The following DTX3L variants were observed in gnomAD, a reference collection of about 807,000 sequenced individuals.
DTX3L encodes the protein E3 ubiquitin-protein ligase DTX3L.
In DTX3L, 34 loss-of-function variants were observed where a neutral mutation model predicts 60.9. The ratio of observed to expected loss-of-function variants is 0.56; its 90% CI spans 0.42 to 0.74. DTX3L has a LOEUF of 0.74. DTX3L is among the 30% of genes least tolerant of loss of function. The pLI is 0.00. For synonymous variants in DTX3L, 290 were observed against 316.6 expected (o/e 0.92, Z 0.89); for missense variants, 810 against 874.0 (o/e 0.93, Z 0.92).
chr3:122,569,706 T>C lies in DTX3L; in HGVS notation c.1617T>C (p.Ser539=), dbSNP rs769675011. Residue 539 remains serine (S), a synonymous_variant, in exon 3 of 5, where the codon TCT becomes TCC. Coordinates refer to ENST00000296161, the MANE Select transcript of DTX3L (RefSeq NM_138287.3). The stretch of plus-strand genomic sequence containing the variant: ...ATAGCGATGATTCCAAAGCAGCTTC[T>C]CCGCCACTCAAGGGCTCTGTGAGTT... ...DIDSDDSKAA[S]PPLKGSVSSE... 12 of 1,614,050 alleles carry C rather than the reference T, an allele frequency of 7.4e-6. No individual in the cohort carries two copies. The African/African-American group carries it at 1.6e-4, about 22-fold the overall frequency.
intron 1 of DTX3L, among the ~76,000 whole-genome samples, chr3:122,564,950 T>C (rs1483986235): frequency 6.6e-6 from 1 of 152,204 alleles, no homozygotes; most frequent in Non-Finnish European, 1.5e-5. Flanking sequence ...GATTCCACTT[T>C]TATGTTTTAA....
chr3:122,568,961 G>A lies in DTX3L; in HGVS notation c.872G>A (p.Arg291His), dbSNP rs199603391. Residue 291 changes from arginine to histidine, a missense_variant, in exon 3 of 5, where the codon CGT becomes CAT. Coordinates refer to ENST00000296161, the MANE Select transcript of DTX3L (RefSeq NM_138287.3). ...SSRSGDLEAA[R>H]ESFASEFQKN... ...CGATCAGGTGACCTGGAAGCAGCTCGTGAGTCTTTTGCTAGTGAATTTCAG... is the reference window on the plus strand; with the variant it reads ...CGATCAGGTGACCTGGAAGCAGCTCATGAGTCTTTTGCTAGTGAATTTCAG... 4.2e-5 allele frequency: 68 copies of A among 1,613,968 alleles called. 1 individual carries two copies. Among genetic ancestry groups the A allele is most frequent in the South Asian group, 1.3e-4 (12 of 91,088 alleles).
intron 3 of DTX3L, 125 bp downstream of exon 3, chr3:122,570,149 G>A (rs1376137041): frequency 9.5e-7 from 1 of 1,050,704 alleles, no homozygotes; most frequent in Admixed American, 2.1e-5. Context: ...TCATGTGCAA[G>A]GGACTGAAAT....
chr3:122,571,660 G>T lies in DTX3L; in HGVS notation c.2154-18G>T, dbSNP rs774397187. 2.5e-6 allele frequency: 4 copies of T among 1,601,728 alleles called. No homozygotes were observed. Among genetic ancestry groups the T allele is most frequent in the Non-Finnish European group, 3.4e-6 (4 of 1,173,172 alleles). On this transcript the variant is annotated intron_variant, in intron 4 of 4. Transcript: ENST00000296161. ...CGAACAATTTGTGGTGACACTAAAG[G>T]AATTTTTGTTTCTTCAGGTATGGCT... is the stretch of plus-strand genomic sequence containing the variant.
chr3:122,569,527 A>G lies in DTX3L; in HGVS notation c.1438A>G (p.Asn480Asp). Residue 480 changes from asparagine to aspartate, a missense_variant, in exon 3 of 5, where the codon AAT becomes GAT. Transcript: ENST00000296161. Reference protein sequence around the residue: ...FADDFRKRHPNVHFVLNQESM... With the variant: ...FADDFRKRHPDVHFVLNQESM... The stretch of plus-strand genomic sequence containing the variant: ...TGATGACTTTAGAAAAAGACATCCA[A>G]ATGTACACTTTGTGCTAAATCAAGA... 2 of 1,614,236 alleles carry G rather than the reference A, an allele frequency of 1.2e-6. No homozygotes were observed. The highest frequency in any genetic ancestry group is 1.7e-6 in the Non-Finnish European group (2 of 1,180,040).
chr3:122,569,721 C>G lies in DTX3L; in HGVS notation c.1632C>G (p.Gly544=). The part of the protein sequence containing the change: ...DSKAASPPLK[G]SVSSEASELD... Reference sequence around the variant, plus strand: ...AAGCAGCTTCTCCGCCACTCAAGGGCTCTGTGAGTTCTGAGGCCTCAGAAC... The same window carrying G: ...AAGCAGCTTCTCCGCCACTCAAGGGGTCTGTGAGTTCTGAGGCCTCAGAAC... The change falls in exon 3 of 5, where the codon GGC becomes GGG. Residue 544 remains glycine, a synonymous_variant. Coordinates refer to ENST00000296161, the MANE Select transcript of DTX3L (RefSeq NM_138287.3). 1 of 1,614,150 alleles carries G rather than the reference C, an allele frequency of 6.2e-7. No individual in the cohort carries two copies.
Position 122,568,854 on chromosome 3 carries a change from C to G in DTX3L, c.765C>G (p.Asn255Lys), listed in dbSNP as rs1156536450. Reference sequence around the variant, plus strand: ...AATATATCTGTCCTGATAAAATCAACTCAATAGAGAAAAGATTTGGTGTAA... The same window carrying G: ...AATATATCTGTCCTGATAAAATCAAGTCAATAGAGAAAAGATTTGGTGTAA... ...YFKYICPDKINSIEKRFGVNI... is the reference protein window; with the variant it reads ...YFKYICPDKIKSIEKRFGVNI... Residue 255 changes from asparagine to lysine, a missense_variant, in exon 3 of 5, where the codon AAC (asparagine) becomes AAG (lysine). By Grantham distance (94) the Asn-to-Lys change is moderately conservative. Transcript: ENST00000296161. The G allele has an allele frequency of 6.2e-7, 1 of 1,613,986 alleles. No individual in the cohort carries two copies. The highest frequency in any genetic ancestry group is 8.5e-7 in the Non-Finnish European group (1 of 1,180,002).
At chr3:122,564,690 C>T (rs1351598422) in intron 1 of DTX3L, 77 bp downstream of exon 1, 3 of 1,518,110 alleles carry the variant, frequency 2.0e-6, no homozygotes, top group Non-Finnish European at 2.7e-6. Context: ...CCAGTTCCAG[C>T]TGACCTAGGG....
Position 122,574,492 on chromosome 3 carries a change from A to T in DTX3L, c.*2745A>T, listed in dbSNP as rs1382325213. On this transcript the variant is annotated 3_prime_UTR_variant, in exon 5 of 5. Transcript: ENST00000296161. The stretch of plus-strand genomic sequence containing the variant: ...AAGATACACATACACACATGTACAA[A>T]TTTTTTTATCAGATAATAATAGCTA... 2 of 152,272 alleles carry T rather than the reference A, an allele frequency of 1.3e-5. No individual in the cohort carries two copies. The highest frequency in any genetic ancestry group is 2.1e-4 in the South Asian group (1 of 4,826). The allele number at this position is 152,272 out of a possible 1,614,324, so 9.4% of individuals were successfully genotyped here. A position where few individuals can be genotyped will look rare whatever the true frequency, so the allele number is the denominator to read the frequency against.
At chr3:122,570,977 C>G (rs764145596) in intron 4 of DTX3L, among the ~76,000 whole-genome samples, 2 of 152,250 alleles carry the variant, frequency 1.3e-5, no homozygotes, top group Non-Finnish European at 2.9e-5. Flanking sequence ...AGGCTAGATG[C>G]TCGGAATGTC....
intron 4 of DTX3L, among the ~76,000 whole-genome samples, 184 bp downstream of exon 4, chr3:122,570,856 C>T (rs1299281485): frequency 1.3e-5 from 2 of 152,130 alleles, no homozygotes; most frequent in African/African-American, 4.8e-5. Context: ...ACCCTGCCAG[C>T]TATAAAGTAC....
Position 122,569,286 on chromosome 3 carries a change from C to A in DTX3L, c.1197C>A (p.Ile399=). 1.9e-6 allele frequency: 3 copies of A among 1,613,942 alleles called. No individual in the cohort carries two copies. Among genetic ancestry groups the A allele is most frequent in the Non-Finnish European group, 8.5e-7 (1 of 1,179,996 alleles). The change falls in exon 3 of 5, where the codon ATC becomes ATA. Residue 399 remains isoleucine, a synonymous_variant. Coordinates refer to ENST00000296161, the MANE Select transcript of DTX3L (RefSeq NM_138287.3). ...AATTACTACAGGAGATATCAGAGAT[C>A]GAAAAAAGGTATGACATTTGCAGCA... ...ETELLQEISE[I]EKRYDICSKV...
In DTX3L at chr3:122,569,438, G is replaced by C. The variant is rs763225410; in HGVS notation, c.1349G>C (p.Arg450Thr). Residue 450 changes from arginine to threonine, a missense_variant, in exon 3 of 5, where the codon AGA (arginine) becomes ACA (threonine). By Grantham distance (71) the Arg-to-Thr change is moderately conservative (BLOSUM62 -1). Transcript: ENST00000296161. ...CAACATGCCTCATGTCAGTTGATGA[G>C]AGAAGTTCTTTTACTGAAGTCTTTG... ...AFQHASCQLM[R>T]EVLLLKSLGK... 3.1e-6 allele frequency: 5 copies of C among 1,614,054 alleles called. No homozygotes were observed. The African/African-American group carries it at 5.3e-5, about 17-fold the overall frequency.
rs759595981 is a variant in DTX3L, at chr3:122,569,897, A to G, written c.1808A>G (p.Tyr603Cys). 6.8e-6 allele frequency: 11 copies of G among 1,614,048 alleles called. No homozygotes were observed. The highest frequency in any genetic ancestry group is 2.7e-5 in the African/African-American group (2 of 74,942). ...KPICPTCQTS[Y>C]GIQKGNQPEG... is the part of the protein sequence containing the mutation. ...ATCTGTCCCACATGCCAGACTTCCT[A>G]TGGTATTCAGAAAGGAAATCAGCCA... is the stretch of plus-strand genomic sequence containing the variant. Residue 603 changes from tyrosine to cysteine, a missense_variant, in exon 3 of 5, where the codon TAT (tyrosine) becomes TGT (cysteine). By Grantham distance (194) the Tyr-to-Cys change is radical. Coordinates refer to ENST00000296161, the MANE Select transcript of DTX3L (RefSeq NM_138287.3).
In DTX3L at chr3:122,570,468, A is replaced by G. The variant is rs1238753290; in HGVS notation, c.1949A>G (p.Asn650Ser). ...GTTCTCACACAGGAAGAACACCCAA[A>G]CCCAGGAAAGAGATACCCTGGAATA... ...KAGIQTEEHP[N>S]PGKRYPGIQR... The change falls in exon 4 of 5, where the codon AAC becomes AGC. Residue 650 changes from asparagine to serine, a missense_variant. Transcript: ENST00000296161. The G allele has an allele frequency of 1.9e-6, 3 of 1,614,006 alleles. No homozygotes were observed. The highest frequency in any genetic ancestry group is 2.5e-6 in the Non-Finnish European group (3 of 1,180,022).
At chr3:122,568,339 A>T (rs1324206426) in intron 2 of DTX3L, 150 bp from the exon 3 acceptor site, 1 of 357,616 alleles carries the variant, frequency 2.8e-6, no homozygotes, top group East Asian at 4.6e-5. Flanking sequence ...ATAAATAAAT[A>T]AATAAATAAA....
At chr3:122,570,046 G>A (rs745954832) in intron 3 of DTX3L, 22 bp downstream of exon 3, 2 of 1,610,344 alleles carry the variant, frequency 1.2e-6, no homozygotes, top group African/African-American at 2.7e-5. Context: ...TCAAGTCCAT[G>A]GGTTTCTTGC....
At chr3:122,568,323 A>G (rs541720632) in intron 2 of DTX3L, among the ~76,000 whole-genome samples, 166 bp from the exon 3 acceptor site, 1 of 78,296 alleles carries the variant, frequency 1.3e-5, no homozygotes, top group East Asian at 3.9e-4. Context: ...ATAAATAAAT[A>G]AATAAATAAA....
At chr3:122,570,094 T>C (rs753831276) in intron 3 of DTX3L, 70 bp downstream of exon 3, 3 of 1,489,454 alleles carry the variant, frequency 2.0e-6, no homozygotes, top group African/African-American at 1.4e-5. Flanking sequence ...GAGACTGTCC[T>C]GTTGCCTATT....
Sources: gnomAD v4.1 joint callset for allele counts (sites outside exome capture counted in the v4.1 genomes callset) on GRCh38, gnomAD v4.1.1 for gene constraint, MANE v1.5 for transcripts, NCBI Gene and HGNC (gene_info 2026-07-23, HGNC 2026-07-21) for gene names.